AKAP10: variants seen among roughly 807,000 people sequenced by gnomAD.
AKAP10 encodes the protein A-kinase anchoring protein 10.
A neutral mutation model predicts 80.8 loss-of-function variants in AKAP10; 24 were observed. That is an observed-to-expected ratio of 0.30 (90% CI 0.22 to 0.42). The LOEUF is 0.42. Ranked by LOEUF, AKAP10 falls within the 10% of genes least tolerant of loss-of-function variation. AKAP10 has a pLI of 1.00. For synonymous variants in AKAP10, 291 were observed against 277.7 expected (o/e 1.05, Z -0.48); for missense variants, 661 against 794.9 (o/e 0.83, Z 2.03).
At chr17:19,924,994 T>G (rs1047935993) in intron 10 of AKAP10, among the ~76,000 whole-genome samples, 1 of 151,942 alleles carries the variant, frequency 6.6e-6, no homozygotes, top group African/African-American at 2.4e-5. Context: ...TGAAACCCAG[T>G]TTCTACTAAA....
intron 5 of AKAP10, among the ~76,000 whole-genome samples, chr17:19,943,596 C>G (rs1242014410): frequency 6.6e-6 from 1 of 152,216 alleles, no homozygotes; most frequent in African/African-American, 2.4e-5. Flanking sequence ...CCTGTTCAAT[C>G]TGTATCCTTT....
intron 1 of AKAP10, among the ~76,000 whole-genome samples, chr17:19,973,419 A>C (rs566863335): frequency 2.0e-5 from 3 of 152,358 alleles, no homozygotes; most frequent in Admixed American, 2.0e-4. Flanking sequence ...TTAACAGAAA[A>C]AGTCTGTTGA....
intron 14 of AKAP10, among the ~76,000 whole-genome samples, chr17:19,906,757 G>A (rs770543501): frequency 1.7e-4 from 26 of 152,190 alleles, no homozygotes; most frequent in Admixed American, 7.9e-4. Context: ...CATCCTATAG[G>A]CAAATGTCGA....
intron 4 of AKAP10, among the ~76,000 whole-genome samples, chr17:19,956,382 C>T (rs952033020): frequency 6.6e-5 from 10 of 151,768 alleles, no homozygotes; most frequent in African/African-American, 1.5e-4. Context: ...AGTCTGAATC[C>T]GAAGAAACAA....
chr17:19,929,999 CAAAA>C (rs11365343), intron 10 of AKAP10, among the ~76,000 whole-genome samples: 2 of 81,844 alleles, frequency 2.4e-5, no homozygotes, highest in Admixed American at 1.3e-4. Context: ...CAACAAAAAC[CAAAA>C]AAAAAAAAAA....
intron 4 of AKAP10, among the ~76,000 whole-genome samples, chr17:19,950,331 C>A (rs111699253): frequency 1.3e-5 from 2 of 152,388 alleles, no homozygotes; most frequent in African/African-American, 4.8e-5. Context: ...TCTCCCCGGT[C>A]TCCCTCTGAT....
intron 9 of AKAP10, among the ~76,000 whole-genome samples, chr17:19,934,875 G>A (rs1390596743): frequency 6.6e-6 from 1 of 152,152 alleles, no homozygotes; most frequent in Non-Finnish European, 1.5e-5. Flanking sequence ...AGCCAGGTAT[G>A]GTGGTGCCTG....
intron 1 of AKAP10, among the ~76,000 whole-genome samples, chr17:19,970,173 T>G (rs1056486132): frequency 6.6e-6 from 1 of 152,214 alleles, no homozygotes; most frequent in African/African-American, 2.4e-5. Flanking sequence ...AACCTGTTCC[T>G]ACCTCAGTCT....
chr17:19,918,411 G>A (rs562020822), intron 12 of AKAP10, among the ~76,000 whole-genome samples: 1 of 152,128 alleles, frequency 6.6e-6, no homozygotes, highest in African/African-American at 2.4e-5. Flanking sequence ...CATGGCGCCT[G>A]TAATCCCAGC....
Position 19,931,815 on chromosome 17 carries a change from G to A in AKAP10, c.1631C>T (p.Ser544Phe), listed in dbSNP as rs770578982. 7 of 1,613,188 alleles carry A rather than the reference G, an allele frequency of 4.3e-6. No homozygotes were observed. The highest frequency in any genetic ancestry group is 1.7e-5 in the Admixed American group (1 of 59,748). The part of the protein sequence containing the change: ...DESHPGSSDS[S>F]ASQSSVKKAS... ...GCAATCAGTCAATACCTGAGACGCA[G>A]AGCTGTCAGAACTCCCTGGGTGAGA... Residue 544 changes from serine (S) to phenylalanine (F), a missense_variant, in exon 10 of 15, where the codon TCT becomes TTT. Coordinates refer to ENST00000225737, the MANE Select transcript of AKAP10 (RefSeq NM_007202.4).
rs947035317 is a variant in AKAP10, at chr17:19,929,460, C to A, written c.1641+2345G>T. 3.9e-5 allele frequency: 6 copies of A among 152,144 alleles called. No individual in the cohort carries two copies. The East Asian group carries it at 1.2e-3, about 29-fold the overall frequency. 9.4% of individuals were successfully genotyped at this position (152,144 alleles called of 1,614,324 possible). ...GTCAGGATAGTAGCTACCCTGGTGA[C>A]AAGAAGGACAGTGAATGGAAGGGGC... is the stretch of plus-strand genomic sequence containing the variant. On this transcript the variant is annotated intron_variant, in intron 10 of 14. Transcript: ENST00000225737.
At chr17:19,972,542 G>A (rs1359825357) in intron 1 of AKAP10, among the ~76,000 whole-genome samples, 8 of 152,154 alleles carry the variant, frequency 5.3e-5, no homozygotes, top group South Asian at 2.1e-4. Context: ...TGCAAGCTTC[G>A]CCTCCCGGGT....
At chr17:19,913,004 G>A (rs1475506871) in intron 12 of AKAP10, among the ~76,000 whole-genome samples, 1 of 149,952 alleles carries the variant, frequency 6.7e-6, no homozygotes, top group Non-Finnish European at 1.5e-5. Context: ...TTAAGACAGA[G>A]TCTCACTCTG....
intron 3 of AKAP10, 49 bp downstream of exon 3, chr17:19,962,791 G>C (rs540736140): frequency 6.4e-7 from 1 of 1,552,134 alleles, no homozygotes; most frequent in Non-Finnish European, 8.8e-7. Flanking sequence ...TTCACATATT[G>C]TACTCAAATC....
At chr17:19,939,947 G>T in intron 7 of AKAP10, 98 bp from the exon 8 acceptor site, 1 of 1,323,224 alleles carries the variant, frequency 7.6e-7, no homozygotes, top group East Asian at 2.6e-5. Flanking sequence ...CAGGTCATAA[G>T]CAAAAAACAA....
intron 2 of AKAP10, among the ~76,000 whole-genome samples, chr17:19,966,565 G>C (rs553145634): frequency 4.1e-4 from 54 of 131,808 alleles, no homozygotes; most frequent in African/African-American, 1.5e-3. Context: ...ATCTTGAGGG[G>C]CTGTTTCTTG....
chr17:19,942,232 C>T (rs1044032130), intron 5 of AKAP10, among the ~76,000 whole-genome samples: 5 of 152,088 alleles, frequency 3.3e-5, no homozygotes, highest in Non-Finnish European at 7.4e-5. Flanking sequence ...CATTAAAATA[C>T]CAAGAGCTCT....
intron 12 of AKAP10, among the ~76,000 whole-genome samples, chr17:19,918,489 G>A (rs966180922): frequency 6.6e-6 from 1 of 152,132 alleles, no homozygotes; most frequent in Non-Finnish European, 1.5e-5. Context: ...GTGCCACCAC[G>A]CCTGGCTAAT....
chr17:19,923,802 A>G (rs1291843480), intron 11 of AKAP10, among the ~76,000 whole-genome samples: 1 of 152,204 alleles, frequency 6.6e-6, no homozygotes, highest in African/African-American at 2.4e-5. Context: ...CTGGGATTAC[A>G]GGTGTGAGCC....
Sources: gnomAD v4.1 joint callset for allele counts (sites outside exome capture counted in the v4.1 genomes callset) on GRCh38, gnomAD v4.1.1 for gene constraint, MANE v1.5 for transcripts, NCBI Gene and HGNC (gene_info 2026-07-23, HGNC 2026-07-21) for gene names.